The following RPS6KB1 variants were observed in gnomAD, a reference collection of about 807,000 sequenced individuals.
The protein encoded by RPS6KB1 is ribosomal protein S6 kinase beta-1.
Under a neutral mutation model 70.2 loss-of-function variants are expected in RPS6KB1, and 12 were observed. The observed-to-expected ratio is 0.17, with a 90% CI of 0.11 to 0.28. The LOEUF (loss-of-function observed/expected upper bound fraction) is 0.28, where lower values mean the gene tolerates loss of function less well. Among genes scored for constraint, RPS6KB1 ranks in the 10% least tolerant of loss-of-function variants. The pLI, the probability that RPS6KB1 is intolerant of heterozygous loss-of-function variation, is 1.00. For synonymous variants in RPS6KB1, 175 were observed against 211.2 expected, an observed-to-expected ratio of 0.83 and a Z score of 1.49; for missense variants, 270 against 646.6, an observed-to-expected ratio of 0.42 and a Z score of 6.32.
intron 4 of RPS6KB1, among the ~76,000 whole-genome samples, chr17:59,915,278 C>T (rs565504487): frequency 6.6e-5 from 10 of 151,406 alleles, no homozygotes; most frequent in East Asian, 3.9e-4. Context: ...CATGAGCCAC[C>T]GCACCCGGCA....
intron 4 of RPS6KB1, among the ~76,000 whole-genome samples, chr17:59,918,556 T>TA (rs1458708907): frequency 6.6e-6 from 1 of 151,780 alleles, no homozygotes; most frequent in Non-Finnish European, 1.5e-5. Flanking sequence ...TTTTAGCAGA[T>TA]ATCGGGTTTC....
rs1419638147 is a variant in RPS6KB1 at position 59,926,269 on chromosome 17, T to C, written c.382-166T>C. On this transcript the variant is annotated intron_variant, in intron 4 of 14. Transcript: ENST00000225577. ...AAAAAATCCAAACTGCACAGAGGCA[T>C]ATATAAAGTGAATGTTTTCCATTAC... is the stretch of plus-strand genomic sequence containing the variant. The C allele has an allele frequency of 8.4e-6, 5 of 593,776 alleles. No homozygotes were observed. The African/African-American group carries it at 9.4e-5, about 11-fold the overall frequency. The allele number at this position is 593,776 out of a possible 1,614,324, so 36.8% of individuals were successfully genotyped here. A position where few individuals can be genotyped will look rare whatever the true frequency, so the allele number is the denominator to read the frequency against.
chr17:59,902,100 C>CTTTTTTT (rs35721755), intron 1 of RPS6KB1, among the ~76,000 whole-genome samples: 1 of 81,610 alleles, frequency 1.2e-5, no homozygotes, highest in Admixed American at 1.7e-4. Flanking sequence ...GTGGCTTTCA[C>CTTTTTTT]TTTTTTTTTT....
At chr17:59,911,540 T>G (rs1004356428) in intron 2 of RPS6KB1, among the ~76,000 whole-genome samples, 1 of 115,522 alleles carries the variant, frequency 8.7e-6, no homozygotes, top group Non-Finnish European at 1.7e-5. Flanking sequence ...TTTGTTGGGT[T>G]TTTTTTTTTT....
At position 59,934,299 on chromosome 17, in the gene RPS6KB1, A is replaced by C. The variant is rs745540354; in HGVS notation, c.779+39A>C. 6.7e-7 allele frequency: 1 copy of C among 1,498,134 alleles called. No homozygotes were observed. Among genetic ancestry groups the C allele is most frequent in the Non-Finnish European group, 9.3e-7 (1 of 1,074,644 alleles). The allele number at this position is 1,498,134 out of a possible 1,614,324, so 92.8% of individuals were successfully genotyped here. On this transcript the variant is annotated intron_variant, in intron 8 of 14. Transcript: ENST00000225577. The surrounding 1 kb of genome is among the most constrained non-coding windows in gnomAD (Gnocchi z 4.8). ...TAAACATAATTGGTTTGGGGGTAAT[A>C]GCTAATTTTACCTGTTTTAAGGAAT...
At chr17:59,921,122 G>GA (rs966235859) in intron 4 of RPS6KB1, among the ~76,000 whole-genome samples, 2 of 152,098 alleles carry the variant, frequency 1.3e-5, no homozygotes, top group African/African-American at 2.4e-5. Context: ...GGTATCTAGT[G>GA]AAAAAAAGAG....
At chr17:59,936,825 G>C (rs556109480) in intron 12 of RPS6KB1, among the ~76,000 whole-genome samples, 1 of 152,102 alleles carries the variant, frequency 6.6e-6, no homozygotes, top group Non-Finnish European at 1.5e-5. Context: ...TTTATTAGCA[G>C]TTCAAAGATC....
intron 1 of RPS6KB1, among the ~76,000 whole-genome samples, chr17:59,896,383 G>A (rs751587898): frequency 7.2e-5 from 11 of 151,978 alleles, no homozygotes; most frequent in Non-Finnish European, 1.3e-4. Flanking sequence ...TAGTAGAGAC[G>A]GGGTTTCTCC....
At chr17:59,904,469 C>G (rs570118231) in intron 1 of RPS6KB1, among the ~76,000 whole-genome samples, 9 of 152,028 alleles carry the variant, frequency 5.9e-5, no homozygotes, top group South Asian at 4.1e-4. Context: ...TCTCTGCTCA[C>G]TGCAACCTCT....
At chr17:59,938,111 C>T (rs1223808364) in intron 12 of RPS6KB1, among the ~76,000 whole-genome samples, 1 of 150,370 alleles carries the variant, frequency 6.7e-6, no homozygotes, top group African/African-American at 2.4e-5. Flanking sequence ...CATCATCACA[C>T]CTCAGAAGTT....
intron 1 of RPS6KB1, among the ~76,000 whole-genome samples, chr17:59,909,233 T>G (rs2042471586): frequency 3.3e-4 from 1 of 3,072 alleles, no homozygotes; most frequent in Non-Finnish European, 9.3e-4. Context: ...TGGCTTTTTT[T>G]TTTTTTTTTT....
intron 4 of RPS6KB1, among the ~76,000 whole-genome samples, chr17:59,922,040 ATT>A (rs36071603): frequency 9.2e-5 from 12 of 130,126 alleles, no homozygotes; most frequent in African/African-American, 2.0e-4. Flanking sequence ...GAATAAGGGC[ATT>A]TTTTTTTTTT....
intron 4 of RPS6KB1, among the ~76,000 whole-genome samples, chr17:59,923,917 G>GA (rs894510902): frequency 2.6e-5 from 4 of 152,180 alleles, no homozygotes; most frequent in African/African-American, 9.7e-5. Context: ...TGTGCATAAT[G>GA]AAAATTGTAA....
chr17:59,894,457 A>C (rs923608710), intron 1 of RPS6KB1, among the ~76,000 whole-genome samples: 1 of 152,160 alleles, frequency 6.6e-6, no homozygotes, highest in Non-Finnish European at 1.5e-5. Context: ...CTCTAATTAC[A>C]CAGGGGCTTC....
intron 5 of RPS6KB1, among the ~76,000 whole-genome samples, chr17:59,927,080 G>A (rs2144925368): frequency 6.6e-6 from 1 of 152,002 alleles, no homozygotes; most frequent in Non-Finnish European, 1.5e-5. Context: ...GATCACAGGT[G>A]TCTATTTATT....
Position 59,945,477 on chromosome 17 carries a change from A to T in RPS6KB1, c.1299A>T (p.Arg433=), listed in dbSNP as rs759959520. ...KEKFSFEPKI[R]SPRRFIGSPR... ...AGTTTTCCTTTGAACCAAAAATCCG[A>T]TCACCTCGAAGATTTATTGGCAGCC... The change falls in exon 14 of 15, where the codon CGA becomes CGT. Residue 433 remains arginine, a synonymous_variant. Transcript: ENST00000225577. 1.9e-6 allele frequency: 3 copies of T among 1,611,932 alleles called. No individual in the cohort carries two copies. In the South Asian group the frequency reaches 3.3e-5, roughly 18 times the overall value.
chr17:59,943,968 G>A (rs1006834614), intron 13 of RPS6KB1, among the ~76,000 whole-genome samples: 2 of 149,486 alleles, frequency 1.3e-5, no homozygotes, highest in African/African-American at 4.9e-5. Flanking sequence ...CACTTATCTG[G>A]ATAATGTGGT....
intron 6 of RPS6KB1, 63 bp downstream of exon 6, chr17:59,930,237 A>T: frequency 2.2e-6 from 2 of 893,146 alleles, no homozygotes; most frequent in East Asian, 2.4e-5. Context: ...CATTCCCACT[A>T]TGGGCAGCCA....
chr17:59,935,072 A>G (rs1306202840), intron 9 of RPS6KB1, 121 bp from the exon 10 acceptor site: 3 of 614,240 alleles, frequency 4.9e-6, no homozygotes, highest in East Asian at 2.9e-5. Context: ...TTCACAGCAT[A>G]CATTTCTGAT....
Sources: allele counts gnomAD v4.1 joint callset (sites outside exome capture counted in the v4.1 genomes callset), GRCh38; gene constraint gnomAD v4.1.1; non-coding constraint Gnocchi (gnomAD v3.1); transcripts MANE v1.5; gene names NCBI Gene and HGNC (gene_info 2026-07-23, HGNC 2026-07-21).